The following KIAA0040 variants were observed in gnomAD, a reference collection of about 807,000 sequenced individuals.
KIAA0040 encodes KIAA0040.
Under a neutral mutation model 7.2 loss-of-function variants are expected in KIAA0040, and 10 were observed. The ratio of observed to expected loss-of-function variants is 1.38; its 90% CI spans 0.85 to 2.34. The LOEUF (loss-of-function observed/expected upper bound fraction) is 2.34. Among genes scored for constraint, KIAA0040 ranks in the 30% most tolerant of loss-of-function variants. The pLI is 0.00. For missense variants in KIAA0040, 89 were observed against 108.2 expected, an observed-to-expected ratio of 0.82 and a Z score of 0.79; for synonymous variants, 49 against 40.1, an observed-to-expected ratio of 1.22 and a Z score of -0.84.
At chr1:175,166,015 C>T (rs1317976256) in intron 3 of KIAA0040, among the ~76,000 whole-genome samples, 1 of 152,134 alleles carries the variant, frequency 6.6e-6, no homozygotes, top group East Asian at 1.9e-4. Context: ...AATTAGAATC[C>T]CTGAGACCAA....
At chr1:175,188,306 A>C (rs552178266) in intron 1 of KIAA0040, among the ~76,000 whole-genome samples, 1 of 152,286 alleles carries the variant, frequency 6.6e-6, no homozygotes, top group South Asian at 2.1e-4. Flanking sequence ...TCATGTCCCC[A>C]GATGATGCTC....
chr1:175,183,734 C>A (rs193054117), intron 1 of KIAA0040, among the ~76,000 whole-genome samples: 1 of 152,192 alleles, frequency 6.6e-6, no homozygotes, highest in Non-Finnish European at 1.5e-5. Context: ...GCCGCACTAG[C>A]GAGCAGAGAT....
At chr1:175,168,660 G>A (rs1206798750) in intron 2 of KIAA0040, among the ~76,000 whole-genome samples, 1 of 152,184 alleles carries the variant, frequency 6.6e-6, no homozygotes, top group Non-Finnish European at 1.5e-5. Context: ...CAAAGAGACT[G>A]CATCTTGCGG....
At chr1:175,189,691 A>C (rs1677797589) in intron 1 of KIAA0040, among the ~76,000 whole-genome samples, 1 of 152,240 alleles carries the variant, frequency 6.6e-6, no homozygotes, top group African/African-American at 2.4e-5. Context: ...TCAAGAGGCA[A>C]GATTAGAAAT....
At chr1:175,166,054 T>G (rs1241289966) in intron 3 of KIAA0040, among the ~76,000 whole-genome samples, 3 of 152,130 alleles carry the variant, frequency 2.0e-5, no homozygotes, top group Non-Finnish European at 4.4e-5. Flanking sequence ...ATGGTACAAA[T>G]CACCACCCTT....
At position 175,157,872 on chromosome 1, in the gene KIAA0040, C is replaced by T. The variant is rs1239200014; in HGVS notation, c.*2842G>A. 2 of 152,406 alleles carry T rather than the reference C, an allele frequency of 1.3e-5. No individual in the cohort carries two copies. Among genetic ancestry groups the T allele is most frequent in the East Asian group, 3.9e-4 (2 of 5,182 alleles). 9.4% of individuals were successfully genotyped at this position (152,406 alleles called of 1,614,324 possible). ...TTCTTTAGGAATCATTTTTTTGTCC[C>T]CCGTGAACTTACCCTCCCCAGATGA... On this transcript the variant is annotated 3_prime_UTR_variant, in exon 4 of 4. Transcript: ENST00000423313.
chr1:175,174,044 C>A (rs1168509691), intron 2 of KIAA0040, among the ~76,000 whole-genome samples: 1 of 147,026 alleles, frequency 6.8e-6, no homozygotes, highest in Non-Finnish European at 1.5e-5. Context: ...ACACCCCAGT[C>A]CCCATCCTGC....
At chr1:175,162,450 G>T (rs1219783251) in intron 3 of KIAA0040, among the ~76,000 whole-genome samples, 1 of 145,898 alleles carries the variant, frequency 6.9e-6, no homozygotes, top group African/African-American at 2.5e-5. Flanking sequence ...AGCACTCTCC[G>T]CAGGCTGCCA....
intron 1 of KIAA0040, among the ~76,000 whole-genome samples, chr1:175,192,242 G>C (rs1677891036): frequency 6.6e-6 from 1 of 152,200 alleles, no homozygotes; most frequent in Admixed American, 6.5e-5. Flanking sequence ...GAGAAAATCT[G>C]GCTTCACCTA....
At chr1:175,187,582 A>G (rs76663588) in intron 1 of KIAA0040, among the ~76,000 whole-genome samples, 6,182 of 152,282 alleles carry the variant, frequency 0.041, 417 homozygotes, top group African/African-American at 0.14. Context: ...CTCAGAGTGC[A>G]GCATTCTTTT....
chr1:175,180,603 T>G (rs1328018812), intron 1 of KIAA0040, among the ~76,000 whole-genome samples: 1 of 152,214 alleles, frequency 6.6e-6, no homozygotes, highest in Non-Finnish European at 1.5e-5. Context: ...CAGGTATTCT[T>G]GGGTGCTCCT....
chr1:175,187,419 G>C (rs1200948583), intron 1 of KIAA0040, among the ~76,000 whole-genome samples: 1 of 152,168 alleles, frequency 6.6e-6, no homozygotes, highest in Non-Finnish European at 1.5e-5. Context: ...CTACAGCCAG[G>C]GCTTTGGTAC....
rs927661011 is a variant in KIAA0040, at chr1:175,158,114, A to C, written c.*2600T>G. ...CAATGGCCTTAGGCTCCTTTCATGC[A>C]CCTGTTTATTTAACAAAACGTTTAG... On this transcript the variant is annotated 3_prime_UTR_variant, in exon 4 of 4. Transcript: ENST00000423313. 2.6e-5 allele frequency: 4 copies of C among 152,254 alleles called. No homozygotes were observed. The highest frequency in any genetic ancestry group is 4.4e-5 in the Non-Finnish European group (3 of 68,074). The allele number at this position is 152,254 out of a possible 1,614,324, so 9.4% of individuals were successfully genotyped here. A position where few individuals can be genotyped will look rare whatever the true frequency, so the allele number is the denominator to read the frequency against.
In KIAA0040 at chr1:175,160,466, C is replaced by T. The variant is rs370725613; in HGVS notation, c.*248G>A. 4.2e-6 allele frequency: 2 copies of T among 477,462 alleles called. No homozygotes were observed. Among genetic ancestry groups the T allele is most frequent in the Non-Finnish European group, 7.5e-6 (2 of 268,254 alleles). The allele number at this position is 477,462 out of a possible 1,614,324, so 29.6% of individuals were successfully genotyped here. ...GGGTATGCCAGAGACAGGTGGGAGG[C>T]ATGCCTGGGTCTGCAGTAAGGAGCA... On this transcript the variant is annotated 3_prime_UTR_variant, in exon 4 of 4. Coordinates refer to ENST00000423313, the MANE Select transcript of KIAA0040 (RefSeq NM_014656.3).
At chr1:175,184,264 A>T (rs1416067220) in intron 1 of KIAA0040, among the ~76,000 whole-genome samples, 1 of 152,222 alleles carries the variant, frequency 6.6e-6, no homozygotes, top group Non-Finnish European at 1.5e-5. Context: ...AACTGAAATG[A>T]GAAATCAGAG....
intron 1 of KIAA0040, among the ~76,000 whole-genome samples, chr1:175,190,607 C>T (rs1004381090): frequency 2.0e-5 from 3 of 152,248 alleles, no homozygotes; most frequent in Non-Finnish European, 4.4e-5. Context: ...TCTCTATTCA[C>T]TCATTCCTCC....
At chr1:175,178,064 G>C (rs2101898431) in intron 1 of KIAA0040, among the ~76,000 whole-genome samples, 1 of 152,340 alleles carries the variant, frequency 6.6e-6, no homozygotes. Flanking sequence ...AGGTCTTCCT[G>C]CCTCCAACCC....
chr1:175,161,446 A>G (rs1444556684), intron 3 of KIAA0040, among the ~76,000 whole-genome samples: 1 of 152,202 alleles, frequency 6.6e-6, no homozygotes, highest in Non-Finnish European at 1.5e-5. Flanking sequence ...GTGTGTGTTC[A>G]GTGTTCTGAT....
At chr1:175,181,902 A>G (rs2101903497) in intron 1 of KIAA0040, among the ~76,000 whole-genome samples, 1 of 152,298 alleles carries the variant, frequency 6.6e-6, no homozygotes, top group Non-Finnish European at 1.5e-5. Flanking sequence ...GCTCCAACTC[A>G]GCTCTAGAGG....
Sources: gnomAD v4.1 joint callset for allele counts (sites outside exome capture counted in the v4.1 genomes callset) on GRCh38, gnomAD v4.1.1 for gene constraint, MANE v1.5 for transcripts, NCBI Gene and HGNC (gene_info 2026-07-23, HGNC 2026-07-21) for gene names.